The following EXOC4 variants were observed in gnomAD, a reference collection of about 807,000 sequenced individuals.
The protein encoded by EXOC4 is SEC8-like 1.
In EXOC4, 71 loss-of-function variants were observed where a neutral mutation model predicts 107.2. The ratio of observed to expected loss-of-function variants is 0.66; its 90% CI spans 0.55 to 0.81. The LOEUF (loss-of-function observed/expected upper bound fraction) is 0.81, where lower values mean the gene tolerates loss of function less well. Among genes scored for constraint, EXOC4 ranks in the 30% least tolerant of loss-of-function variants. The pLI is 0.00. For missense variants in EXOC4, 1,108 were observed against 1,189.6 expected (o/e 0.93, Z 1.01); for synonymous variants, 456 against 441.2 (o/e 1.03, Z -0.42).
At chr7:133,874,511 T>C (rs1159008609) in intron 11 of EXOC4, among the ~76,000 whole-genome samples, 2 of 152,174 alleles carry the variant, frequency 1.3e-5, no homozygotes, top group Non-Finnish European at 2.9e-5. Flanking sequence ...GCTTGCACAC[T>C]CTCTCCCTCA....
chr7:133,290,261 A>G (rs938297959), intron 3 of EXOC4, among the ~76,000 whole-genome samples: 1 of 152,088 alleles, frequency 6.6e-6, no homozygotes, highest in Non-Finnish European at 1.5e-5. Context: ...AGGTCACTGT[A>G]CTCCAGCCTG....
intron 5 of EXOC4, among the ~76,000 whole-genome samples, chr7:133,328,277 C>T (rs191102685): frequency 1.8e-4 from 27 of 151,314 alleles, no homozygotes; most frequent in African/African-American, 6.5e-4. Context: ...TTTCCATTTG[C>T]TTGGTAAATA....
At chr7:133,619,182 C>T (rs1231693818) in intron 9 of EXOC4, among the ~76,000 whole-genome samples, 1 of 152,174 alleles carries the variant, frequency 6.6e-6, no homozygotes, top group Non-Finnish European at 1.5e-5. Context: ...TTATCTTTAT[C>T]AGTAAGCTAA....
intron 9 of EXOC4, among the ~76,000 whole-genome samples, chr7:133,517,087 G>A (rs941647978): frequency 2.0e-5 from 3 of 151,944 alleles, no homozygotes; most frequent in African/African-American, 7.3e-5. Flanking sequence ...CCTTCACAGA[G>A]CAAAAGGAAT....
intron 10 of EXOC4, among the ~76,000 whole-genome samples, chr7:133,639,466 TTTTA>T: frequency 6.6e-6 from 1 of 152,174 alleles, no homozygotes; most frequent in Non-Finnish European, 1.5e-5. Flanking sequence ...ATGAAATCTT[TTTTA>T]TTTTCCTTTT....
At chr7:134,035,165 C>T (rs1795360419) in intron 17 of EXOC4, among the ~76,000 whole-genome samples, 1 of 151,328 alleles carries the variant, frequency 6.6e-6, no homozygotes, top group South Asian at 2.1e-4. Flanking sequence ...CCTGCCTCAG[C>T]CTCTGGAGTA....
chr7:133,673,017 A>C (rs1035643151), intron 10 of EXOC4, among the ~76,000 whole-genome samples: 1 of 152,144 alleles, frequency 6.6e-6, no homozygotes, highest in African/African-American at 2.4e-5. Context: ...ACCTGTTGGA[A>C]ATCCCAGATT....
At chr7:133,712,536 G>A (rs1214334689) in intron 10 of EXOC4, among the ~76,000 whole-genome samples, 1 of 150,564 alleles carries the variant, frequency 6.6e-6, no homozygotes, top group Non-Finnish European at 1.5e-5. Flanking sequence ...ATGATGGCAG[G>A]TTTGGCCGTG....
rs909012986 is a variant in EXOC4 at position 133,415,434 on chromosome 7, G to A, written c.1182+40432G>A. 2.0e-5 allele frequency among the ~76,000 whole-genome samples: 3 copies of A among 152,124 alleles called. No individual in the cohort carries two copies. The East Asian group carries it at 5.8e-4, about 29-fold the overall frequency. On this transcript the variant is annotated intron_variant, in intron 7 of 17. Transcript: ENST00000253861. ...CATATCCTTGTTGATACTTGTTACT[G>A]TTCATCTTTGATTATAAACATTTTA...
intron 14 of EXOC4, among the ~76,000 whole-genome samples, chr7:133,956,400 G>A (rs1800820156): frequency 6.6e-6 from 1 of 152,176 alleles, no homozygotes; most frequent in African/African-American, 2.4e-5. Context: ...TTTAATCATT[G>A]CAAAGTGAAG....
chr7:133,472,235 C>T (rs1468839148), intron 7 of EXOC4, among the ~76,000 whole-genome samples: 2 of 151,998 alleles, frequency 1.3e-5, no homozygotes. Context: ...GTTGATATTA[C>T]GTGAGAAGGA....
At chr7:134,014,132 G>A (rs779628967) in intron 17 of EXOC4, among the ~76,000 whole-genome samples, 6 of 152,184 alleles carry the variant, frequency 3.9e-5, no homozygotes, top group Admixed American at 2.6e-4. Flanking sequence ...GGTTGGGCGC[G>A]GTGGCTCACG....
intron 1 of EXOC4, among the ~76,000 whole-genome samples, chr7:133,260,279 T>G (rs988801111): frequency 1.2e-4 from 18 of 152,046 alleles, no homozygotes; most frequent in South Asian, 2.1e-4. Context: ...TGTTTTTTTT[T>G]TTTTGTTTTT....
At chr7:133,665,760 C>A (rs1018485750) in intron 10 of EXOC4, among the ~76,000 whole-genome samples, 1 of 152,106 alleles carries the variant, frequency 6.6e-6, no homozygotes, top group Non-Finnish European at 1.5e-5. Flanking sequence ...CCTGGTATGA[C>A]TCTTTTCTAT....
chr7:133,290,349 G>T (rs770362058), intron 3 of EXOC4, among the ~76,000 whole-genome samples: 6 of 152,096 alleles, frequency 3.9e-5, no homozygotes, highest in African/African-American at 1.4e-4. Context: ...AATGACAAAA[G>T]AATTGGTTAT....
intron 10 of EXOC4, among the ~76,000 whole-genome samples, chr7:133,805,689 G>A (rs1301472867): frequency 6.6e-6 from 1 of 152,170 alleles, no homozygotes. Flanking sequence ...GGGGGACAGT[G>A]TTCTAAATAA....
At chr7:133,436,705 T>C (rs1797983984) in intron 7 of EXOC4, among the ~76,000 whole-genome samples, 1 of 152,184 alleles carries the variant, frequency 6.6e-6, no homozygotes, top group Admixed American at 6.5e-5. Context: ...TTTGATTTAA[T>C]CAGTGTATGG....
chr7:133,618,872 ATAT>A (rs1366125888), intron 9 of EXOC4, among the ~76,000 whole-genome samples: 21 of 152,212 alleles, frequency 1.4e-4, no homozygotes, highest in Admixed American at 7.2e-4. Context: ...GTAATATTAT[ATAT>A]CATAATATGT....
intron 17 of EXOC4, among the ~76,000 whole-genome samples, chr7:134,013,594 G>T (rs188318658): frequency 6.6e-6 from 1 of 152,176 alleles, no homozygotes; most frequent in Non-Finnish European, 1.5e-5. Flanking sequence ...TCATACTAAT[G>T]TAAGATGTTA....
Sources: allele counts gnomAD v4.1 joint callset (sites outside exome capture counted in the v4.1 genomes callset), GRCh38; gene constraint gnomAD v4.1.1; transcripts MANE v1.5; gene names NCBI Gene and HGNC (gene_info 2026-07-23, HGNC 2026-07-21).